Variants in FBXO32 observed in about 807,000 individuals in gnomAD.
FBXO32 encodes F-box protein 32.
In FBXO32, 15 loss-of-function variants were observed where a neutral mutation model predicts 48.3. That is an observed-to-expected ratio of 0.31 (90% CI 0.21 to 0.48). The LOEUF is 0.48. FBXO32 is among the 20% of genes least tolerant of loss of function. FBXO32 has a pLI of 0.99. For synonymous variants in FBXO32, 154 were observed against 165.9 expected, an observed-to-expected ratio of 0.93 and a Z score of 0.55; for missense variants, 309 against 432.7, an observed-to-expected ratio of 0.71 and a Z score of 2.54.
rs1188456674 is a variant in FBXO32 at position 123,504,750 on chromosome 8, AAAAAATCAAAT to A, written c.835-14_835-4del. 4 of 1,611,528 alleles carry A rather than the reference AAAAAATCAAAT, an allele frequency of 2.5e-6. No individual in the cohort carries two copies. Among genetic ancestry groups the A allele is most frequent in the Non-Finnish European group, 3.4e-6 (4 of 1,179,048 alleles). On this transcript the variant is annotated splice_polypyrimidine_tract_variant and splice_region_variant and intron_variant, in intron 7 of 8. Transcript: ENST00000517956. ...GACAGAATTAATCGTTTGCGGATCT[AAAAAATCAAAT>A]GAATAAAGGAAATGACAGGAGAGTT... is the stretch of plus-strand genomic sequence containing the variant.
intron 4 of FBXO32, among the ~76,000 whole-genome samples, chr8:123,526,162 C>G (rs914816660): frequency 6.6e-6 from 1 of 151,786 alleles, no homozygotes; most frequent in Non-Finnish European, 1.5e-5. Context: ...TACAGATGGG[C>G]GAGTGAGGCC....
intron 6 of FBXO32, among the ~76,000 whole-genome samples, chr8:123,512,901 C>T (rs765661897): frequency 7.9e-5 from 12 of 152,168 alleles, no homozygotes; most frequent in Non-Finnish European, 1.6e-4. Context: ...CTCTGAACCC[C>T]GCTAAAGATT....
chr8:123,514,445 A>G, intron 4 of FBXO32, 112 bp from the exon 5 acceptor site: 2 of 669,804 alleles, frequency 3.0e-6, no homozygotes, highest in Non-Finnish European at 4.7e-6. Flanking sequence ...GGAGAGATAA[A>G]TGGCAGGCAG....
rs1240682960 is a variant in FBXO32 at position 123,534,485 on chromosome 8, T to C, written c.229+217A>G. On this transcript the variant is annotated intron_variant, in intron 2 of 8. Coordinates refer to ENST00000517956, the MANE Select transcript of FBXO32 (RefSeq NM_058229.4). ...GAAAAAAAGGCCCTCAACTAGCAAC[T>C]GACTTACAAACAAGACTATAAAGAA... is the stretch of plus-strand genomic sequence containing the variant. Among the ~76,000 whole-genome samples the C allele has an allele frequency of 2.6e-5, 4 of 152,184 alleles. 1 individual carries two copies. The South Asian group carries it at 8.3e-4, about 31-fold the overall frequency.
At chr8:123,538,305 C>A (rs1203327273) in intron 1 of FBXO32, among the ~76,000 whole-genome samples, 1 of 152,042 alleles carries the variant, frequency 6.6e-6, no homozygotes, top group Non-Finnish European at 1.5e-5. Flanking sequence ...CTGAAAACCA[C>A]CAAATGCATC....
At position 123,506,686 on chromosome 8, in the gene FBXO32, G is replaced by C. The variant is rs1170604028; in HGVS notation, c.652-112C>G. On this transcript the variant is annotated intron_variant, in intron 6 of 8. Transcript: ENST00000517956. The surrounding 1 kb of genome is among the most constrained non-coding windows in gnomAD (Gnocchi z 4.0). ...TCCTCCACCCTCAAGGCAGTTTATT[G>C]ATAAGAGGTCGAAAGCAGTAGTAAA... 1.0e-5 allele frequency: 9 copies of C among 877,604 alleles called. No homozygotes were observed. 54.4% of individuals were successfully genotyped at this position (877,604 alleles called of 1,614,324 possible). A position where few individuals can be genotyped will look rare whatever the true frequency, so the allele number is the denominator to read the frequency against.
At chr8:123,510,664 A>G (rs927360120) in intron 6 of FBXO32, among the ~76,000 whole-genome samples, 1 of 152,110 alleles carries the variant, frequency 6.6e-6, no homozygotes, top group African/African-American at 2.4e-5. Context: ...ATACAGGGCC[A>G]TGTTTTCCAA....
intron 2 of FBXO32, among the ~76,000 whole-genome samples, chr8:123,534,050 G>A (rs1340639602): frequency 6.7e-6 from 1 of 150,264 alleles, no homozygotes; most frequent in African/African-American, 2.5e-5. Flanking sequence ...CTAAGATCAT[G>A]CCACTGACTC....
chr8:123,503,290 T>C lies in FBXO32; in HGVS notation c.*83A>G. 1 of 1,147,568 alleles carries C rather than the reference T, an allele frequency of 8.7e-7. No homozygotes were observed. The highest frequency in any genetic ancestry group is 1.3e-5 in the South Asian group (1 of 74,566). The allele number at this position is 1,147,568 out of a possible 1,614,324, so 71.1% of individuals were successfully genotyped here. On this transcript the variant is annotated 3_prime_UTR_variant, in exon 9 of 9. Coordinates refer to ENST00000517956, the MANE Select transcript of FBXO32 (RefSeq NM_058229.4). ...GCCAATGTTTAAAATGTACACTATT[T>C]ACAAATGAAGTGTCCAAATGCCATA...
At chr8:123,520,979 G>A (rs893598332) in intron 4 of FBXO32, among the ~76,000 whole-genome samples, 9 of 152,118 alleles carry the variant, frequency 5.9e-5, no homozygotes, top group South Asian at 2.1e-4. Flanking sequence ...TTACATGCTC[G>A]GCTCCATCCC....
At chr8:123,517,329 GCAC>G (rs1816858996) in intron 4 of FBXO32, among the ~76,000 whole-genome samples, 1 of 152,212 alleles carries the variant, frequency 6.6e-6, no homozygotes, top group South Asian at 2.1e-4. Context: ...CTATGACTGT[GCAC>G]TGGAGGAGAA....
At chr8:123,509,470 C>A (rs1022149011) in intron 6 of FBXO32, among the ~76,000 whole-genome samples, 2 of 151,918 alleles carry the variant, frequency 1.3e-5, no homozygotes, top group Admixed American at 6.6e-5. Context: ...GAGGCTGAAG[C>A]GGGAGGATTG....
intron 6 of FBXO32, among the ~76,000 whole-genome samples, chr8:123,508,872 C>T (rs947451060): frequency 6.6e-6 from 1 of 152,204 alleles, no homozygotes; most frequent in Non-Finnish European, 1.5e-5. Context: ...TTTCCAAAAT[C>T]CTTGCCCAGA....
chr8:123,507,479 G>A (rs1473300860), intron 6 of FBXO32, among the ~76,000 whole-genome samples: 6 of 149,004 alleles, frequency 4.0e-5, no homozygotes, highest in African/African-American at 1.5e-4. Flanking sequence ...GTGTGTGTGT[G>A]TACGTGCACA....
rs1456175868 is a variant in FBXO32, at chr8:123,540,211, G to A, written c.116+688C>T. Among the ~76,000 whole-genome samples the A allele has an allele frequency of 1.3e-5, 2 of 152,112 alleles. No homozygotes were observed. Among genetic ancestry groups the A allele is most frequent in the Non-Finnish European group, 2.9e-5 (2 of 68,018 alleles). On this transcript the variant is annotated intron_variant, in intron 1 of 8. Transcript: ENST00000517956. This position sits in a 1 kb window ranked among gnomAD's most constrained non-coding sequence, Gnocchi z 6.4. Reference sequence around the variant, plus strand: ...AGGGCCACCGAGGAAACAGGTGCAAGAGCCCTGTCCTCCCAGAAGCAGAGC... The same window carrying A: ...AGGGCCACCGAGGAAACAGGTGCAAAAGCCCTGTCCTCCCAGAAGCAGAGC...
Position 123,540,896 on chromosome 8 carries a change from C to T in FBXO32, c.116+3G>A, listed in dbSNP as rs1817397386. 6.2e-7 allele frequency: 1 copy of T among 1,612,198 alleles called. No individual in the cohort carries two copies. The highest frequency in any genetic ancestry group is 1.3e-5 in the African/African-American group (1 of 74,874). On this transcript the variant is annotated splice_donor_region_variant and intron_variant, in intron 1 of 8. Coordinates refer to ENST00000517956, the MANE Select transcript of FBXO32 (RefSeq NM_058229.4). The surrounding 1 kb of genome is among the most constrained non-coding windows in gnomAD (Gnocchi z 6.4). ...GCTGGAAGTTGGTAGCGGGTCCCCT[C>T]ACCTGCTGAGGTCGCTCACGAAACT...
intron 4 of FBXO32, among the ~76,000 whole-genome samples, chr8:123,515,151 CAAGGTT>C (rs1450525049): frequency 1.3e-5 from 2 of 152,186 alleles, no homozygotes; most frequent in Non-Finnish European, 2.9e-5. Flanking sequence ...GTCAATAATA[CAAGGTT>C]GTTGTGAGTG....
In FBXO32 at chr8:123,506,473, C is replaced by T. The variant is rs769478849; in HGVS notation, c.753G>A (p.Gln251=). The T allele has an allele frequency of 6.2e-7, 1 of 1,614,132 alleles. No individual in the cohort carries two copies. Among genetic ancestry groups the T allele is most frequent in the Non-Finnish European group, 8.5e-7 (1 of 1,180,018 alleles). The change falls in exon 7 of 9, where the codon CAG becomes CAA. Residue 251 remains glutamine (Q), a synonymous_variant. Transcript: ENST00000517956. The surrounding 1 kb of genome is among the most constrained non-coding windows in gnomAD (Gnocchi z 4.0). The part of the protein sequence containing the change: ...SDGRDLVSLG[Q]AAPDLHVLSE... ...TGAGCACGTGCAGGTCGGGGGCAGC[C>T]TGGCCCAGGCTGACCAGGTCCCGCC...
rs989366621 is a variant in FBXO32, at chr8:123,540,678, T to C, written c.116+221A>G. ...TGTTCTGTAAGGAGTCGTGTCCACTTGGAGACACTGACCTTGAACAATAAG... is the reference window on the plus strand; with the variant it reads ...TGTTCTGTAAGGAGTCGTGTCCACTCGGAGACACTGACCTTGAACAATAAG... On this transcript the variant is annotated intron_variant, in intron 1 of 8. Transcript: ENST00000517956. This position sits in a 1 kb window ranked among gnomAD's most constrained non-coding sequence, Gnocchi z 6.4. Among the ~76,000 whole-genome samples, 7 of 152,172 alleles carry C rather than the reference T, an allele frequency of 4.6e-5. No individual in the cohort carries two copies. Among genetic ancestry groups the C allele is most frequent in the African/African-American group, 1.7e-4 (7 of 41,436 alleles).
Sources: gnomAD v4.1 joint callset for allele counts (sites outside exome capture counted in the v4.1 genomes callset) on GRCh38, gnomAD v4.1.1 for gene constraint, Gnocchi (gnomAD v3.1) non-coding constraint, MANE v1.5 for transcripts, NCBI Gene and HGNC (gene_info 2026-07-23, HGNC 2026-07-21) for gene names.